The following HIPK4 variants were observed in gnomAD, a reference collection of about 807,000 sequenced individuals.
The protein encoded by HIPK4 is homeodomain-interacting protein kinase 4.
Under a neutral mutation model 44.8 loss-of-function variants are expected in HIPK4, and 26 were observed. The observed-to-expected ratio is 0.58, with a 90% CI of 0.43 to 0.80. The LOEUF (loss-of-function observed/expected upper bound fraction) is 0.80. Ranked by LOEUF, HIPK4 falls within the 30% of genes least tolerant of loss-of-function variation. The probability of loss-of-function intolerance (pLI) is 0.00; values close to 1 mark genes in which losing one functional copy is unlikely to be tolerated. For missense variants in HIPK4, 729 were observed against 862.6 expected, an observed-to-expected ratio of 0.85 and a Z score of 1.94; for synonymous variants, 340 against 355.5, an observed-to-expected ratio of 0.96 and a Z score of 0.49.
rs975285580 is a variant in HIPK4, at chr19:40,382,829, C to T, written c.822+954G>A. Among the ~76,000 whole-genome samples the T allele has an allele frequency of 2.6e-5, 4 of 151,628 alleles. No homozygotes were observed. In the South Asian group the frequency reaches 6.2e-4, roughly 24 times the overall value. Reference sequence around the variant, plus strand: ...TTGGGAGGTCGAGGTGGGTGGATCACGAGGTCGGGTGTCTGAGACCAGCCT... The same window carrying T: ...TTGGGAGGTCGAGGTGGGTGGATCATGAGGTCGGGTGTCTGAGACCAGCCT... On this transcript the variant is annotated intron_variant, in intron 2 of 3. Coordinates refer to ENST00000291823, the MANE Select transcript of HIPK4 (RefSeq NM_144685.5).
chr19:40,383,554 A>T (rs2145717567), intron 2 of HIPK4, among the ~76,000 whole-genome samples: 1 of 152,148 alleles, frequency 6.6e-6, no homozygotes, highest in East Asian at 1.9e-4. Flanking sequence ...TGTATCTGGG[A>T]CAATAGGCCC....
In HIPK4 at chr19:40,380,175, G is replaced by A. The variant is rs1310262017; in HGVS notation, c.1668+148C>T. ...ATCATATCTTGACGGTATTAGGTGT[G>A]TGCTGAGCCTCCTAAGTCCCTAATT... On this transcript the variant is annotated intron_variant, in intron 3 of 3. Transcript: ENST00000291823. This position sits in a 1 kb window ranked among gnomAD's most constrained non-coding sequence, Gnocchi z 4.2. 1.9e-6 allele frequency: 2 copies of A among 1,055,938 alleles called. No individual in the cohort carries two copies. The highest frequency in any genetic ancestry group is 1.6e-5 in the South Asian group (1 of 61,246). The allele number at this position is 1,055,938 out of a possible 1,614,324, so 65.4% of individuals were successfully genotyped here.
chr19:40,382,321 A>G (rs956998484), intron 2 of HIPK4, among the ~76,000 whole-genome samples: 2 of 152,084 alleles, frequency 1.3e-5, no homozygotes, highest in South Asian at 4.2e-4. Flanking sequence ...GTCGCCCACA[A>G]TGACTTCAAG....
In HIPK4 at chr19:40,389,998, C is replaced by T. The variant is rs1421226295; in HGVS notation, c.-96G>A. The T allele has an allele frequency of 3.2e-6, 3 of 929,748 alleles. No individual in the cohort carries two copies. Among genetic ancestry groups the T allele is most frequent in the Non-Finnish European group, 4.8e-6 (3 of 622,470 alleles). 57.6% of individuals were successfully genotyped at this position (929,748 alleles called of 1,614,324 possible). On this transcript the variant is annotated 5_prime_UTR_variant, in exon 1 of 4. Coordinates refer to ENST00000291823, the MANE Select transcript of HIPK4 (RefSeq NM_144685.5). The surrounding 1 kb of genome is among the most constrained non-coding windows in gnomAD (Gnocchi z 4.6). ...CCTGGCTGCTGACACAGCAGGCCCC[C>T]CAGTGGGGGAAAGAGAACCGCACTC...
At position 40,380,489 on chromosome 19, in the gene HIPK4, AAGTTGG is replaced by A. The variant is rs772399266; in HGVS notation, c.1496_1501del (p.Ser499_Asn500del). ...CTGGCTCAGCCGAATGAGGTTGCTG[AAGTTGG>A]AGTCGGACTTGGAACCCGCAGGTGG... On this transcript the variant is annotated inframe_deletion, in exon 3 of 4. Transcript: ENST00000291823. This position sits in a 1 kb window ranked among gnomAD's most constrained non-coding sequence, Gnocchi z 4.2. 26 of 1,612,270 alleles carry A rather than the reference AAGTTGG, an allele frequency of 1.6e-5. No individual in the cohort carries two copies. The Middle Eastern group carries it at 5.0e-4, about 31-fold the overall frequency.
chr19:40,381,784 CTTTTTTTTTTTTTTTTTTT>C (rs55780075), intron 2 of HIPK4, among the ~76,000 whole-genome samples: 1 of 72,260 alleles, frequency 1.4e-5, no homozygotes, highest in Non-Finnish European at 2.6e-5. Flanking sequence ...CACTCAGATC[CTTTTTTTTTTTTTTTTTTT>C]TTTTTTTTTG....
chr19:40,381,257 C>T (rs1011982688), intron 2 of HIPK4, 89 bp from the exon 3 acceptor site: 41 of 1,076,980 alleles, frequency 3.8e-5, no homozygotes, highest in African/African-American at 3.0e-4. Context: ...CATGTAGCCC[C>T]GACTTCCAGG....
At chr19:40,384,464 C>T (rs563497420) in intron 1 of HIPK4, among the ~76,000 whole-genome samples, 1 of 152,194 alleles carries the variant, frequency 6.6e-6, no homozygotes, top group South Asian at 2.1e-4. Flanking sequence ...CCACCACACC[C>T]GGCTAATTTT....
At chr19:40,382,896 A>C (rs949422469) in intron 2 of HIPK4, among the ~76,000 whole-genome samples, 19 of 150,898 alleles carry the variant, frequency 1.3e-4, no homozygotes, top group African/African-American at 4.6e-4. Flanking sequence ...AAATACAAAA[A>C]AATTGCCGGG....
At chr19:40,388,224 G>C (rs966116661) in intron 1 of HIPK4, among the ~76,000 whole-genome samples, 1 of 151,842 alleles carries the variant, frequency 6.6e-6, no homozygotes, top group African/African-American at 2.4e-5. Flanking sequence ...CACCATATTG[G>C]TCAGGCTGGT....
At position 40,384,061 on chromosome 19, in the gene HIPK4, G is replaced by A. The variant is rs767356290; in HGVS notation, c.544C>T (p.Arg182Trp). ...KEPYIQSRFYRAPEILLGLPF... is the reference protein window; with the variant it reads ...KEPYIQSRFYWAPEILLGLPF... ...AGCCCCAGCAGGATCTCAGGGGCCC[G>A]GTAGAAGCGCGACTGGATGTATGGC... Residue 182 changes from arginine (R) to tryptophan (W), a missense_variant, in exon 2 of 4, where the codon CGG (arginine) becomes TGG (tryptophan). This residue lies in a region of HIPK4 where 196 missense variants were observed against 295.1 expected (regional missense o/e 0.66). Transcript: ENST00000291823. 45 of 1,613,414 alleles carry A rather than the reference G, an allele frequency of 2.8e-5. No homozygotes were observed. The highest frequency in any genetic ancestry group is 3.4e-5 in the Non-Finnish European group (40 of 1,179,644).
At chr19:40,384,264 G>T (rs1230531504) in intron 1 of HIPK4, 125 bp from the exon 2 acceptor site, 1 of 722,060 alleles carries the variant, frequency 1.4e-6, no homozygotes. Flanking sequence ...CCATCTCTGG[G>T]TCTGTGATTC....
chr19:40,386,183 C>T (rs1387232654), intron 1 of HIPK4, among the ~76,000 whole-genome samples: 1 of 152,084 alleles, frequency 6.6e-6, no homozygotes, highest in African/African-American at 2.4e-5. Flanking sequence ...GATTCTCCTG[C>T]CTCAGCCTCC....
chr19:40,384,918 G>A (rs1418068287), intron 1 of HIPK4, among the ~76,000 whole-genome samples: 18 of 152,074 alleles, frequency 1.2e-4, no homozygotes, highest in Non-Finnish European at 2.1e-4. Context: ...AGCTGTGGCC[G>A]TAGTTGTTAA....
Position 40,379,640 on chromosome 19 carries a change from C to A in HIPK4, c.1798G>T (p.Gly600Cys). The A allele has an allele frequency of 6.4e-7, 1 of 1,560,734 alleles. No individual in the cohort carries two copies. ...AAGCTGGTGGCCCCCCGGGGTGGAC[C>A]ATGCTGGTGGGAGCGGCGGGGTGGG... ...GLPPRRSHQH[G>C]PPRGATSFLQ... Residue 600 changes from glycine to cysteine, a missense_variant, in exon 4 of 4, where the codon GGT becomes TGT. This residue lies in a region of HIPK4 where 533 missense variants were observed against 567.5 expected (regional missense o/e 0.94). Transcript: ENST00000291823.
intron 1 of HIPK4, among the ~76,000 whole-genome samples, chr19:40,387,670 G>A (rs1459296394): frequency 6.6e-6 from 1 of 152,012 alleles, no homozygotes. Flanking sequence ...ATAGAGACAG[G>A]ATTTCACCAT....
chr19:40,380,761 G>GCTGCC lies in HIPK4; in HGVS notation c.1225_1229dup (p.Ser410ArgfsTer25), dbSNP rs2079330604. ...CCTTCTCCTCTCGGAAGAAGGGGCT[G>GCTGCC]CTGCCGGCCACACTGCCCATACCCG... On this transcript the variant is annotated frameshift_variant, in exon 3 of 4. Coordinates refer to ENST00000291823, the MANE Select transcript of HIPK4 (RefSeq NM_144685.5). LOFTEE classifies it high-confidence loss of function. The surrounding 1 kb of genome is among the most constrained non-coding windows in gnomAD (Gnocchi z 4.2). 6.2e-7 allele frequency: 1 copy of GCTGCC among 1,614,064 alleles called. No individual in the cohort carries two copies. The highest frequency in any genetic ancestry group is 1.1e-5 in the South Asian group (1 of 91,094).
intron 1 of HIPK4, among the ~76,000 whole-genome samples, chr19:40,388,676 A>G (rs2079374111): frequency 6.6e-6 from 1 of 152,228 alleles, no homozygotes; most frequent in African/African-American, 2.4e-5. Context: ...TCAGGGACAC[A>G]GCGATGATTA....
Position 40,379,773 on chromosome 19 carries a change from TG to T in HIPK4, c.1669-5del. 1 of 1,607,306 alleles carries T rather than the reference TG, an allele frequency of 6.2e-7. No homozygotes were observed. The highest frequency in any genetic ancestry group is 8.5e-7 in the Non-Finnish European group (1 of 1,178,172). ...CGAAGAGCTCAGGGTCTGGCCTCTG[TG>T]GGGGAAGAGAGAGGGGCATCAGCCA... On this transcript the variant is annotated splice_polypyrimidine_tract_variant and splice_region_variant and intron_variant, in intron 3 of 3. Coordinates refer to ENST00000291823, the MANE Select transcript of HIPK4 (RefSeq NM_144685.5).
Sources: allele counts gnomAD v4.1 joint callset (sites outside exome capture counted in the v4.1 genomes callset), GRCh38; gene constraint gnomAD v4.1.1; regional missense constraint gnomAD v4.1.1; non-coding constraint Gnocchi (gnomAD v3.1); transcripts MANE v1.5; gene names NCBI Gene and HGNC (gene_info 2026-07-23, HGNC 2026-07-21).